MAPK13: variants seen among roughly 807,000 people sequenced by gnomAD.
MAPK13 encodes the protein mitogen-activated protein kinase 13.
A neutral mutation model predicts 53.5 loss-of-function variants in MAPK13; 39 were observed. The ratio of observed to expected loss-of-function variants is 0.73; its 90% CI spans 0.56 to 0.95. MAPK13 has a LOEUF of 0.95. Ranked by LOEUF, MAPK13 falls within the 40% of genes least tolerant of loss-of-function variation. The pLI, the probability that MAPK13 is intolerant of heterozygous loss-of-function variation, is 0.00. For synonymous variants in MAPK13, 179 were observed against 190.9 expected (o/e 0.94, Z 0.51); for missense variants, 460 against 471.8 (o/e 0.98, Z 0.23).
rs1766461782 is a variant in MAPK13, at chr6:36,138,371, A to G, written c.689A>G (p.Asp230Gly). The change falls in exon 9 of 12, where the codon GAC becomes GGC. Residue 230 changes from aspartate (D) to glycine (G), a missense_variant. Physicochemically the swap from Asp to Gly is moderately conservative, Grantham distance 94 (BLOSUM62 -1). Transcript: ENST00000211287. ...KTLFKGKDYL[D>G]QLTQILKVTG... is the part of the protein sequence containing the mutation. ...GCCTTAACCTGCCACCAAGACCTGG[A>G]CCAGCTGACCCAGATCCTGAAAGTG... The G allele has an allele frequency of 6.2e-7, 1 of 1,613,826 alleles. No homozygotes were observed. The highest frequency in any genetic ancestry group is 1.7e-5 in the Admixed American group (1 of 59,996).
In MAPK13 at chr6:36,135,408, C is replaced by T. The variant is rs1043816185; in HGVS notation, c.309-345C>T. ...GGACAGAAGCCGAAGGAAATACTGGCAGATGTTTCTAACTCCTAGCTGTGG... is the reference window on the plus strand; with the variant it reads ...GGACAGAAGCCGAAGGAAATACTGGTAGATGTTTCTAACTCCTAGCTGTGG... On this transcript the variant is annotated intron_variant, in intron 3 of 11. Transcript: ENST00000211287. 2.6e-5 allele frequency among the ~76,000 whole-genome samples: 4 copies of T among 152,218 alleles called. No homozygotes were observed. The East Asian group carries it at 7.7e-4, about 29-fold the overall frequency.
intron 8 of MAPK13, among the ~76,000 whole-genome samples, chr6:36,137,346 T>A (rs933340343): frequency 2.6e-5 from 4 of 152,068 alleles, no homozygotes; most frequent in Non-Finnish European, 4.4e-5. Flanking sequence ...AAACCCCGTA[T>A]CTACTAAAAA....
At chr6:36,131,934 C>A (rs748849291) in intron 2 of MAPK13, among the ~76,000 whole-genome samples, 6 of 152,186 alleles carry the variant, frequency 3.9e-5, no homozygotes, top group Non-Finnish European at 7.4e-5. Context: ...ATCTCGGCAG[C>A]GAGGCTCCCG....
chr6:36,138,832 G>A (rs1179602432), intron 10 of MAPK13, 47 bp from the exon 11 acceptor site: 12 of 1,613,370 alleles, frequency 7.4e-6, no homozygotes, highest in East Asian at 6.7e-5. Flanking sequence ...CCCAGAGGGC[G>A]GGCTCTCCCA....
chr6:36,133,237 G>A (rs763070639), intron 3 of MAPK13, among the ~76,000 whole-genome samples: 20 of 152,252 alleles, frequency 1.3e-4, no homozygotes, highest in Admixed American at 8.5e-4. Flanking sequence ...GCTTGGTCAA[G>A]CTGAATCTGG....
rs895799626 is a variant in MAPK13, at chr6:36,130,757, C to A, written c.119+56C>A. 7 of 946,836 alleles carry A rather than the reference C, an allele frequency of 7.4e-6. No individual in the cohort carries two copies. The highest frequency in any genetic ancestry group is 1.1e-5 in the Non-Finnish European group (7 of 645,996). The allele number at this position is 946,836 out of a possible 1,614,324, so 58.7% of individuals were successfully genotyped here. On this transcript the variant is annotated intron_variant, in intron 1 of 11. Coordinates refer to ENST00000211287, the MANE Select transcript of MAPK13 (RefSeq NM_002754.5). This position sits in a 1 kb window ranked among gnomAD's most constrained non-coding sequence, Gnocchi z 4.5. ...GGCGGGCGCCAGGCTCTCCCCTTTC[C>A]GCCCAGCCCGCCCTGGGCTGGCCCC...
intron 2 of MAPK13, among the ~76,000 whole-genome samples, chr6:36,132,407 C>A (rs960917725): frequency 1.3e-5 from 2 of 152,244 alleles, no homozygotes; most frequent in Non-Finnish European, 2.9e-5. Context: ...CAGCCTGACT[C>A]TCTGTCATGA....
At chr6:36,136,417 G>T in intron 5 of MAPK13, 67 bp from the exon 6 acceptor site, 1 of 1,366,504 alleles carries the variant, frequency 7.3e-7, no homozygotes, top group Non-Finnish European at 1.0e-6. Context: ...ACCCCTGGGT[G>T]GTGGTGGAGC....
Position 36,140,457 on chromosome 6 carries a change from G to A in MAPK13, c.*1084G>A, listed in dbSNP as rs927908208. ...AAATTTCCATGTGCACAAGCTGTCG[G>A]GCACAGTGGGTCTCAAATTTCCTTG... On this transcript the variant is annotated 3_prime_UTR_variant, in exon 12 of 12. Transcript: ENST00000211287. 1 of 152,748 alleles carries A rather than the reference G, an allele frequency of 6.5e-6. No homozygotes were observed. Among genetic ancestry groups the A allele is most frequent in the Non-Finnish European group, 1.5e-5 (1 of 68,068 alleles). The allele number at this position is 152,748 out of a possible 1,614,324, so 9.5% of individuals were successfully genotyped here.
intron 11 of MAPK13, 46 bp from the exon 12 acceptor site, chr6:36,139,248 G>A (rs759062985): frequency 2.2e-5 from 35 of 1,572,286 alleles, no homozygotes; most frequent in African/African-American, 4.1e-5. Flanking sequence ...GGACTTTCTC[G>A]CCACAGCACC....
At chr6:36,138,808 G>T (rs759600203) in intron 10 of MAPK13, 28 bp downstream of exon 10, 3 of 1,613,878 alleles carry the variant, frequency 1.9e-6, no homozygotes, top group Non-Finnish European at 2.5e-6. Context: ...CTCCCCAGGG[G>T]CCTCTCAGCG....
intron 8 of MAPK13, among the ~76,000 whole-genome samples, chr6:36,137,341 C>A (rs976673759): frequency 4.6e-5 from 7 of 152,012 alleles, no homozygotes; most frequent in African/African-American, 1.7e-4. Context: ...AGGGGAAACC[C>A]CGTATCTACT....
chr6:36,132,585 C>G (rs759443459), intron 2 of MAPK13, 36 bp from the exon 3 acceptor site: 11 of 1,602,224 alleles, frequency 6.9e-6, no homozygotes, highest in Non-Finnish European at 9.4e-6. Context: ...GAGAAGGTAG[C>G]GTCTGTCTAG....
In MAPK13 at chr6:36,141,685, AAAC is replaced by A. The variant is rs1766535459; in HGVS notation, c.*2315_*2317del. On this transcript the variant is annotated 3_prime_UTR_variant, in exon 12 of 12. Transcript: ENST00000211287. ...AGACTCCATCTCAAAAAAACAAAAA[AAAC>A]AAATACCCTGAGGACACAGAGACAT... is the stretch of plus-strand genomic sequence containing the variant. The A allele has an allele frequency of 1.3e-5, 2 of 152,964 alleles. No homozygotes were observed. The highest frequency in any genetic ancestry group is 4.8e-5 in the African/African-American group (2 of 41,428). The allele number at this position is 152,964 out of a possible 1,614,324, so 9.5% of individuals were successfully genotyped here. A position where few individuals can be genotyped will look rare whatever the true frequency, so the allele number is the denominator to read the frequency against.
Position 36,142,873 on chromosome 6 carries a change from G to C in MAPK13, c.*3500G>C, listed in dbSNP as rs1056966774. ...GGAGGTGCTCAGCAGTGCAAGGTGG[G>C]GGGTGGAGGGGGTGGGGAGTAGAGG... On this transcript the variant is annotated 3_prime_UTR_variant, in exon 12 of 12. Transcript: ENST00000211287. The surrounding 1 kb of genome is among the most constrained non-coding windows in gnomAD (Gnocchi z 4.4). 93 of 152,372 alleles carry C rather than the reference G, an allele frequency of 6.1e-4. No individual in the cohort carries two copies. The highest frequency in any genetic ancestry group is 2.1e-3 in the African/African-American group (88 of 41,558). The allele number at this position is 152,372 out of a possible 1,614,324, so 9.4% of individuals were successfully genotyped here.
At position 36,138,767 on chromosome 6, in the gene MAPK13, G is replaced by A; in HGVS notation, c.828G>A (p.Arg276=). The A allele has an allele frequency of 6.2e-7, 1 of 1,614,140 alleles. No homozygotes were observed. ...AGGATTTCACTCAGCTGTTCCCACG[G>A]GCCAGCCCCCAGGGTGAGTCTCAGA... ...PRKDFTQLFP[R]ASPQAADLLE... The change falls in exon 10 of 12, where the codon CGG becomes CGA. Residue 276 remains arginine, a synonymous_variant. Coordinates refer to ENST00000211287, the MANE Select transcript of MAPK13 (RefSeq NM_002754.5).
chr6:36,139,726 G>T lies in MAPK13; in HGVS notation c.*353G>T, dbSNP rs1231575207. On this transcript the variant is annotated 3_prime_UTR_variant, in exon 12 of 12. Transcript: ENST00000211287. ...GCTCTAACGAATTACCACAAACCTG[G>T]TGGATTGAAACAGCAGAACTTGATT... 4.1e-6 allele frequency: 1 copy of T among 241,230 alleles called. No homozygotes were observed. The highest frequency in any genetic ancestry group is 2.3e-5 in the African/African-American group (1 of 44,124). The allele number at this position is 241,230 out of a possible 1,614,324, so 14.9% of individuals were successfully genotyped here. A position where few individuals can be genotyped will look rare whatever the true frequency, so the allele number is the denominator to read the frequency against.
At chr6:36,135,590 C>T (rs373194510) in intron 3 of MAPK13, among the ~76,000 whole-genome samples, 163 bp from the exon 4 acceptor site, 1 of 152,318 alleles carries the variant, frequency 6.6e-6, no homozygotes, top group Non-Finnish European at 1.5e-5. Context: ...GCCAGGAGCC[C>T]AGAGGCCCGT....
Position 36,139,590 on chromosome 6 carries a change from G to A in MAPK13, c.*217G>A, listed in dbSNP as rs1400487116. 7.4e-6 allele frequency: 4 copies of A among 537,958 alleles called. No individual in the cohort carries two copies. The African/African-American group carries it at 7.7e-5, about 10-fold the overall frequency. 33.3% of individuals were successfully genotyped at this position (537,958 alleles called of 1,614,324 possible). On this transcript the variant is annotated 3_prime_UTR_variant, in exon 12 of 12. Transcript: ENST00000211287. ...ACAGGCCACGTTAAACTGCCCATCT[G>A]GAGAATCGCCTGCAGGTGGGGCCCT...
Sources: allele counts gnomAD v4.1 joint callset (sites outside exome capture counted in the v4.1 genomes callset), GRCh38; gene constraint gnomAD v4.1.1; non-coding constraint Gnocchi (gnomAD v3.1); transcripts MANE v1.5; gene names NCBI Gene and HGNC (gene_info 2026-07-23, HGNC 2026-07-21).